Variants in TOP1 observed in about 807,000 individuals in gnomAD.
TOP1 encodes DNA topoisomerase I, also known as DNA topoisomerase 1.
Under a neutral mutation model 111.1 loss-of-function variants are expected in TOP1, and 10 were observed. That is an observed-to-expected ratio of 0.09 (90% CI 0.06 to 0.15). The LOEUF is 0.15. TOP1 is among the 10% of genes least tolerant of loss of function. The pLI is 1.00. For missense variants in TOP1, 474 were observed against 926.7 expected (o/e 0.51, Z 6.34); for synonymous variants, 271 against 302.9 (o/e 0.89, Z 1.10).
rs1161161195 is a variant in TOP1, at chr20:41,109,319, A to G, written c.1309-3463A>G. 6.6e-6 allele frequency among the ~76,000 whole-genome samples: 1 copy of G among 152,192 alleles called. No individual in the cohort carries two copies. The highest frequency in any genetic ancestry group is 2.4e-5 in the African/African-American group (1 of 41,456). On this transcript the variant is annotated intron_variant, in intron 13 of 20. Coordinates refer to ENST00000361337, the MANE Select transcript of TOP1 (RefSeq NM_003286.4). The surrounding 1 kb of genome is among the most constrained non-coding windows in gnomAD (Gnocchi z 4.1). ...TGGTATAAAATTCAAAACGTTTTAAATCTATTTATTAGTAAGACTAACATA... is the reference window on the plus strand; with the variant it reads ...TGGTATAAAATTCAAAACGTTTTAAGTCTATTTATTAGTAAGACTAACATA...
intron 2 of TOP1, among the ~76,000 whole-genome samples, chr20:41,041,437 CAAAAA>C (rs780663951): frequency 1.8e-4 from 16 of 89,004 alleles, no homozygotes; most frequent in Admixed American, 5.0e-4. Context: ...GACCCTGTCT[CAAAAA>C]AAAAAAAAAA....
At chr20:41,085,527 T>TGTTC (rs2033837817) in intron 8 of TOP1, among the ~76,000 whole-genome samples, 1 of 152,232 alleles carries the variant, frequency 6.6e-6, no homozygotes, top group African/African-American at 2.4e-5. Flanking sequence ...TCTGTTAACA[T>TGTTC]GTTCTATTTA....
In TOP1 at chr20:41,034,892, T is replaced by G. The variant is rs62209452; in HGVS notation, c.58+5437T>G. 6.6e-6 allele frequency among the ~76,000 whole-genome samples: 1 copy of G among 150,904 alleles called. No individual in the cohort carries two copies. Among genetic ancestry groups the G allele is most frequent in the African/African-American group, 2.4e-5 (1 of 41,000 alleles). The stretch of plus-strand genomic sequence containing the variant: ...TAACTTCTTTCCTTTACTTTTTTTT[T>G]GGGCGGGGTGGGGGGCAGACAGGGT... On this transcript the variant is annotated intron_variant, in intron 2 of 20. Coordinates refer to ENST00000361337, the MANE Select transcript of TOP1 (RefSeq NM_003286.4). This position sits in a 1 kb window ranked among gnomAD's most constrained non-coding sequence, Gnocchi z 4.0.
intron 2 of TOP1, among the ~76,000 whole-genome samples, chr20:41,053,346 T>C (rs1484619774): frequency 6.6e-6 from 1 of 152,100 alleles, no homozygotes; most frequent in Admixed American, 6.5e-5. Context: ...GGATCCAGGG[T>C]TTTTATTTCA....
chr20:41,077,562 A>G lies in TOP1; in HGVS notation c.280-20A>G, dbSNP rs759543092. 6.2e-7 allele frequency: 1 copy of G among 1,609,070 alleles called. No homozygotes were observed. ...ATTTAGTCCTTTCAAGGTACTAGTT[A>G]CTGTTGTTTTACTTTTCAGGTTCGA... On this transcript the variant is annotated intron_variant, in intron 4 of 20. Coordinates refer to ENST00000361337, the MANE Select transcript of TOP1 (RefSeq NM_003286.4).
Position 41,110,513 on chromosome 20 carries a change from A to C in TOP1, c.1309-2269A>C, listed in dbSNP as rs1018432581. 1.3e-5 allele frequency among the ~76,000 whole-genome samples: 2 copies of C among 152,172 alleles called. No homozygotes were observed. Among genetic ancestry groups the C allele is most frequent in the African/African-American group, 4.8e-5 (2 of 41,430 alleles). On this transcript the variant is annotated intron_variant, in intron 13 of 20. Transcript: ENST00000361337. The surrounding 1 kb of genome is among the most constrained non-coding windows in gnomAD (Gnocchi z 4.2). Reference sequence around the variant, plus strand: ...AGAAAGTTACTAGAAAACAGAATCCAATTTGCCTTCTCACCCCCAACTTTG... The same window carrying C: ...AGAAAGTTACTAGAAAACAGAATCCCATTTGCCTTCTCACCCCCAACTTTG...
rs2033546064 is a variant in TOP1 at position 41,061,595 on chromosome 20, A to G, written c.155+105A>G. ...CTTGAGCTACATGTAAAGATAGCAA[A>G]GTAAGTAGAAACTGTATTTGATCCT... On this transcript the variant is annotated intron_variant, in intron 3 of 20. Coordinates refer to ENST00000361337, the MANE Select transcript of TOP1 (RefSeq NM_003286.4). The surrounding 1 kb of genome is among the most constrained non-coding windows in gnomAD (Gnocchi z 4.6). 8.3e-6 allele frequency: 8 copies of G among 964,158 alleles called. No individual in the cohort carries two copies. In the East Asian group the frequency reaches 2.1e-4, roughly 25 times the overall value. 59.7% of individuals were successfully genotyped at this position (964,158 alleles called of 1,614,324 possible).
Position 41,029,325 on chromosome 20 carries a change from C to A in TOP1, c.34-106C>A, listed in dbSNP as rs2033084736. ...CCCTCTGTGGCCACCCCCGGGTCCC[C>A]GTCCTCCCCGGGGGCGCAGGGTGAG... is the stretch of plus-strand genomic sequence containing the variant. On this transcript the variant is annotated intron_variant, in intron 1 of 20. Coordinates refer to ENST00000361337, the MANE Select transcript of TOP1 (RefSeq NM_003286.4). The surrounding 1 kb of genome is among the most constrained non-coding windows in gnomAD (Gnocchi z 6.1). 2 of 1,072,156 alleles carry A rather than the reference C, an allele frequency of 1.9e-6. No individual in the cohort carries two copies. The highest frequency in any genetic ancestry group is 2.6e-6 in the Non-Finnish European group (2 of 776,800). 66.4% of individuals were successfully genotyped at this position (1,072,156 alleles called of 1,614,324 possible). A position where few individuals can be genotyped will look rare whatever the true frequency, so the allele number is the denominator to read the frequency against.
intron 3 of TOP1, among the ~76,000 whole-genome samples, chr20:41,074,769 C>T (rs2033706642): frequency 6.6e-6 from 1 of 152,168 alleles, no homozygotes; most frequent in African/African-American, 2.4e-5. Flanking sequence ...ATGGACATAG[C>T]CTAATGAGCT....
At chr20:41,064,438 A>T (rs1172380435) in intron 3 of TOP1, among the ~76,000 whole-genome samples, 1 of 152,050 alleles carries the variant, frequency 6.6e-6, no homozygotes, top group African/African-American at 2.4e-5. Flanking sequence ...ATGCCTCTCC[A>T]TCTTTCTGGC....
chr20:41,072,428 GACAT>G (rs2033678657), intron 3 of TOP1: 2 of 985,264 alleles, frequency 2.0e-6, no homozygotes, highest in African/African-American at 3.5e-5. Context: ...TTTGGAAAAA[GACAT>G]ACATGTTAGA....
Position 41,078,309 on chromosome 20 carries a change from C to T in TOP1, c.335+672C>T, listed in dbSNP as rs1488254527. ...TAAGCCCAGAGGTCCCCTCTAGTTTCGAAACAACTAGATGTTTATTGTTAC... is the reference window on the plus strand; with the variant it reads ...TAAGCCCAGAGGTCCCCTCTAGTTTTGAAACAACTAGATGTTTATTGTTAC... On this transcript the variant is annotated intron_variant, in intron 5 of 20. Coordinates refer to ENST00000361337, the MANE Select transcript of TOP1 (RefSeq NM_003286.4). This position sits in a 1 kb window ranked among gnomAD's most constrained non-coding sequence, Gnocchi z 5.3. Among the ~76,000 whole-genome samples the T allele has an allele frequency of 2.0e-5, 3 of 152,022 alleles. No individual in the cohort carries two copies. Among genetic ancestry groups the T allele is most frequent in the Non-Finnish European group, 2.9e-5 (2 of 68,004 alleles).
At position 41,034,605 on chromosome 20, in the gene TOP1, G is replaced by C. The variant is rs2033162042; in HGVS notation, c.58+5150G>C. On this transcript the variant is annotated intron_variant, in intron 2 of 20. Coordinates refer to ENST00000361337, the MANE Select transcript of TOP1 (RefSeq NM_003286.4). This position sits in a 1 kb window ranked among gnomAD's most constrained non-coding sequence, Gnocchi z 4.0. ...TTTGGTGGCGTTATGAGAAATGGCT[G>C]ATAGTTTGCTGAAATGATTTAATAG... Among the ~76,000 whole-genome samples, 1 of 152,170 alleles carries C rather than the reference G, an allele frequency of 6.6e-6. No homozygotes were observed. The highest frequency in any genetic ancestry group is 1.5e-5 in the Non-Finnish European group (1 of 68,018).
Position 41,102,097 on chromosome 20 carries a change from G to GT in TOP1, c.1308+746dup, listed in dbSNP as rs2034072507. Among the ~76,000 whole-genome samples the GT allele has an allele frequency of 6.6e-6, 1 of 152,132 alleles. No individual in the cohort carries two copies. The highest frequency in any genetic ancestry group is 6.5e-5 in the Admixed American group (1 of 15,272). The stretch of plus-strand genomic sequence containing the variant: ...TCAAGGAATTAGTTCTATGTAGACT[G>GT]TTAACTGTTTTATGTGCAGGAGACC... On this transcript the variant is annotated intron_variant, in intron 13 of 20. Coordinates refer to ENST00000361337, the MANE Select transcript of TOP1 (RefSeq NM_003286.4). This position sits in a 1 kb window ranked among gnomAD's most constrained non-coding sequence, Gnocchi z 4.0.
Position 41,029,064 on chromosome 20 carries a change from C to A in TOP1, c.-4C>A. 6.5e-7 allele frequency: 1 copy of A among 1,546,462 alleles called. No individual in the cohort carries two copies. The highest frequency in any genetic ancestry group is 8.7e-7 in the Non-Finnish European group (1 of 1,150,058). On this transcript the variant is annotated 5_prime_UTR_variant, in exon 1 of 21. Coordinates refer to ENST00000361337, the MANE Select transcript of TOP1 (RefSeq NM_003286.4). The surrounding 1 kb of genome is among the most constrained non-coding windows in gnomAD (Gnocchi z 6.1). ...TGCCGCCGCGCTCGTCCCTCCGGGC[C>A]GACATGAGTGGGGACCACCTCCACA...
chr20:41,073,095 C>T (rs2033685939), intron 3 of TOP1: 1 of 985,168 alleles, frequency 1.0e-6, no homozygotes, highest in South Asian at 4.7e-5. Flanking sequence ...GTCTCATTTG[C>T]CTTGTCATTT....
intron 3 of TOP1, among the ~76,000 whole-genome samples, chr20:41,074,515 A>G (rs763641010): frequency 5.3e-5 from 8 of 152,070 alleles, no homozygotes; most frequent in South Asian, 2.1e-4. Context: ...ATCTATTTCA[A>G]TACTTGGGTC....
Position 41,106,835 on chromosome 20 carries a change from TTTAA to T in TOP1, c.1308+5486_1308+5489del, listed in dbSNP as rs1326076600. On this transcript the variant is annotated intron_variant, in intron 13 of 20. Coordinates refer to ENST00000361337, the MANE Select transcript of TOP1 (RefSeq NM_003286.4). This position sits in a 1 kb window ranked among gnomAD's most constrained non-coding sequence, Gnocchi z 4.3. ...TCATTTGGGGTTTCTATGTAGATAATTTAATTATCTATAAAAACAGTTCTTCATT... is the reference window on the plus strand; with the variant it reads ...TCATTTGGGGTTTCTATGTAGATAATTTATCTATAAAAACAGTTCTTCATT... 6.6e-5 allele frequency among the ~76,000 whole-genome samples: 10 copies of T among 152,180 alleles called. No homozygotes were observed. Among genetic ancestry groups the T allele is most frequent in the African/African-American group, 2.2e-4 (9 of 41,454 alleles).
At position 41,076,356 on chromosome 20, in the gene TOP1, C is replaced by T. The variant is rs547276847; in HGVS notation, c.279+62C>T. 6 of 1,540,506 alleles carry T rather than the reference C, an allele frequency of 3.9e-6. No homozygotes were observed. In the African/African-American group the frequency reaches 6.9e-5, roughly 18 times the overall value. On this transcript the variant is annotated intron_variant, in intron 4 of 20. Coordinates refer to ENST00000361337, the MANE Select transcript of TOP1 (RefSeq NM_003286.4). ...ATGCACTTTTGTTTACCTTTGAAAGCAGATATCTTAATTGCATAGTAAGAT... is the reference window on the plus strand; with the variant it reads ...ATGCACTTTTGTTTACCTTTGAAAGTAGATATCTTAATTGCATAGTAAGAT...
Sources: gnomAD v4.1 joint callset for allele counts (sites outside exome capture counted in the v4.1 genomes callset) on GRCh38, gnomAD v4.1.1 for gene constraint, Gnocchi (gnomAD v3.1) non-coding constraint, MANE v1.5 for transcripts, NCBI Gene and HGNC (gene_info 2026-07-23, HGNC 2026-07-21) for gene names.